FNBP1: variants seen among roughly 807,000 people sequenced by gnomAD.
The protein encoded by FNBP1 is formin-binding protein 1.
FNBP1 carries 26 observed loss-of-function variants against 90.6 expected under a neutral mutation model. That is an observed-to-expected ratio of 0.29 (90% CI 0.21 to 0.40). FNBP1 has a LOEUF of 0.40. Ranked by LOEUF, FNBP1 falls within the 10% of genes least tolerant of loss-of-function variation. The pLI, the probability that FNBP1 is intolerant of heterozygous loss-of-function variation, is 1.00. For missense variants in FNBP1, 635 were observed against 768.0 expected (o/e 0.83, Z 2.05); for synonymous variants, 260 against 265.2 (o/e 0.98, Z 0.19).
At chr9:129,978,318 T>TA (rs2050668482) in intron 4 of FNBP1, 147 bp downstream of exon 4, 1 of 698,018 alleles carries the variant, frequency 1.4e-6, no homozygotes, top group African/African-American at 1.8e-5. Context: ...CGTGCCCAGC[T>TA]GGGGTCCATA....
chr9:129,940,299 AAAT>A (rs762185414), intron 6 of FNBP1, among the ~76,000 whole-genome samples: 1 of 152,308 alleles, frequency 6.6e-6, no homozygotes, highest in East Asian at 1.9e-4. Flanking sequence ...AATCATAAGA[AAAT>A]AATAAGATGC....
chr9:130,004,353 A>G (rs939014580), intron 1 of FNBP1, among the ~76,000 whole-genome samples: 2 of 152,102 alleles, frequency 1.3e-5, no homozygotes, highest in African/African-American at 4.8e-5. Context: ...AAAATTACCT[A>G]TGTAAGTGGC....
At chr9:129,964,528 T>C (rs2048288501) in intron 4 of FNBP1, among the ~76,000 whole-genome samples, 1 of 151,468 alleles carries the variant, frequency 6.6e-6, no homozygotes, top group South Asian at 2.1e-4. Context: ...GAAATAAAAG[T>C]CTACACAGAT....
chr9:129,986,558 G>A (rs143203689), intron 2 of FNBP1, among the ~76,000 whole-genome samples: 3,636 of 152,236 alleles, frequency 0.024, 167 homozygotes, highest in African/African-American at 0.082. Flanking sequence ...TTGGGAGGCC[G>A]AGGTGGGCGG....
Position 129,958,527 on chromosome 9 carries a change from C to A in FNBP1, c.372G>T (p.Gln124His). Reference sequence around the variant, plus strand: ...GCTTCCAGCAAGTCTCGATGTGCTGCTGTGCTTTACGGCCATCGTGAAAGT... The same window carrying A: ...GCTTCCAGCAAGTCTCGATGTGCTGATGTGCTTTACGGCCATCGTGAAAGT... ...KSNFHDGRKA[Q>H]QHIETCWKQL... The change falls in exon 5 of 17, where the codon CAG becomes CAT. Residue 124 changes from glutamine (Q) to histidine (H), a missense_variant. Transcript: ENST00000446176. The A allele has an allele frequency of 6.3e-7, 1 of 1,598,508 alleles. No homozygotes were observed. The highest frequency in any genetic ancestry group is 8.5e-7 in the Non-Finnish European group (1 of 1,171,774).
intron 1 of FNBP1, among the ~76,000 whole-genome samples, chr9:130,010,555 G>A (rs2131651938): frequency 6.6e-6 from 1 of 152,188 alleles, no homozygotes; most frequent in East Asian, 1.9e-4. Flanking sequence ...ACTGCACCCG[G>A]CTCCCTCCTC....
At chr9:129,971,729 T>A (rs925675535) in intron 4 of FNBP1, among the ~76,000 whole-genome samples, 3 of 152,216 alleles carry the variant, frequency 2.0e-5, no homozygotes, top group Non-Finnish European at 2.9e-5. Context: ...AAACAGCTGG[T>A]AGGGCTACAA....
rs1349817066 is a variant in FNBP1 at position 129,922,159 on chromosome 9, TA to T, written c.1170+1684del. Among the ~76,000 whole-genome samples the T allele has an allele frequency of 2.6e-5, 4 of 152,350 alleles. No homozygotes were observed. The East Asian group carries it at 7.7e-4, about 29-fold the overall frequency. On this transcript the variant is annotated intron_variant, in intron 10 of 16. Coordinates refer to ENST00000446176, the MANE Select transcript of FNBP1 (RefSeq NM_015033.3). ...CCAGTCTAAAGATCTGTTTACTCAT[TA>T]TATTCATTATAAAAGATATTTTGGG... is the stretch of plus-strand genomic sequence containing the variant.
chr9:130,046,724 C>T (rs7869493), upstream of FNBP1, among the ~76,000 whole-genome samples: 6,764 of 147,618 alleles, frequency 0.046, 524 homozygotes, highest in African/African-American at 0.16. Context: ...GCTAAGATCG[C>T]GCCACTACAC....
At chr9:130,008,538 C>T (rs1459154402) in intron 1 of FNBP1, among the ~76,000 whole-genome samples, 4 of 152,128 alleles carry the variant, frequency 2.6e-5, no homozygotes, top group South Asian at 2.1e-4. Flanking sequence ...GAAAGATCGA[C>T]GCTAATCTCA....
intron 16 of FNBP1, among the ~76,000 whole-genome samples, chr9:129,893,637 A>AAAAAAAAAAAAAAAAAAAAAAAAG (rs56397008): frequency 2.1e-4 from 13 of 62,242 alleles, no homozygotes; most frequent in Non-Finnish European, 2.6e-4. Context: ...AAAAAAAAAA[A>AAAAAAAAAAAAAAAAAAAAAAAAG]GCCAGGCACG....
upstream of FNBP1, among the ~76,000 whole-genome samples, chr9:130,046,580 C>CAAAAAAAAAAAAAA (rs56392821): frequency 1.5e-4 from 10 of 66,792 alleles, no homozygotes; most frequent in Admixed American, 2.3e-4. Flanking sequence ...ACTAAAAATA[C>CAAAAAAAAAAAAAA]AAAAAAAAAA....
chr9:130,043,507 G>A (rs1445729399), upstream of FNBP1, among the ~76,000 whole-genome samples: 1 of 152,226 alleles, frequency 6.6e-6, no homozygotes, highest in Non-Finnish European at 1.5e-5. Context: ...ATGCTCCGCC[G>A]CGGTCTGAGA....
intron 13 of FNBP1, among the ~76,000 whole-genome samples, chr9:129,902,175 G>A (rs994030410): frequency 1.3e-5 from 2 of 152,124 alleles, no homozygotes; most frequent in African/African-American, 4.8e-5. Context: ...TGGGCCTGCT[G>A]AGAGAACAAT....
In FNBP1 at chr9:129,902,939, C is replaced by G; in HGVS notation, c.1358G>C (p.Ser453Thr). 1 of 1,610,786 alleles carries G rather than the reference C, an allele frequency of 6.2e-7. No individual in the cohort carries two copies. The highest frequency in any genetic ancestry group is 8.5e-7 in the Non-Finnish European group (1 of 1,178,274). Residue 453 changes from serine (S) to threonine (T), a missense_variant, in exon 13 of 17, where the codon AGT becomes ACT. Transcript: ENST00000446176. ...LKNPQMGDPA[S>T]LDHKLAEVSQ... ...GACTTCTGCTAATTTGTGATCCAAA[C>G]TGGCTGGGTCTCCCATCTGAGGATT...
chr9:129,946,338 C>T (rs2045287912), intron 6 of FNBP1, among the ~76,000 whole-genome samples: 1 of 152,168 alleles, frequency 6.6e-6, no homozygotes. Flanking sequence ...TTCGAGAAGT[C>T]TGTATACAAA....
chr9:129,992,290 CA>C (rs2053292868), intron 2 of FNBP1, among the ~76,000 whole-genome samples: 2 of 152,274 alleles, frequency 1.3e-5, no homozygotes, highest in South Asian at 4.1e-4. Flanking sequence ...GTGCAGCATT[CA>C]AATAATCAAC....
chr9:129,929,834 A>G, intron 6 of FNBP1, 139 bp from the exon 7 acceptor site: 1 of 717,680 alleles, frequency 1.4e-6, no homozygotes, highest in Non-Finnish European at 2.3e-6. Flanking sequence ...GGTGCTTTTT[A>G]ATGTTCTGAA....
At chr9:129,965,865 C>T (rs1434987713) in intron 4 of FNBP1, among the ~76,000 whole-genome samples, 1 of 148,132 alleles carries the variant, frequency 6.8e-6, no homozygotes, top group Non-Finnish European at 1.5e-5. Context: ...GGAAATCAAT[C>T]AAGAAATCTT....
Sources: gnomAD v4.1 joint callset for allele counts (sites outside exome capture counted in the v4.1 genomes callset) on GRCh38, gnomAD v4.1.1 for gene constraint, MANE v1.5 for transcripts, NCBI Gene and HGNC (gene_info 2026-07-23, HGNC 2026-07-21) for gene names.